The following RFX3 variants were observed in gnomAD, a reference collection of about 807,000 sequenced individuals.
RFX3 encodes regulatory factor X3, also known as transcription factor RFX3.
Under a neutral mutation model 98.6 loss-of-function variants are expected in RFX3, and 14 were observed. That is an observed-to-expected ratio of 0.14 (90% CI 0.09 to 0.22). RFX3 has a LOEUF of 0.22. Ranked by LOEUF, RFX3 falls within the 10% of genes least tolerant of loss-of-function variation. The pLI is 1.00. For missense variants in RFX3, 639 were observed against 926.9 expected (o/e 0.69, Z 4.03); for synonymous variants, 383 against 328.4 (o/e 1.17, Z -1.80).
At chr9:3,357,850 T>C (rs1473651880) in intron 2 of RFX3, among the ~76,000 whole-genome samples, 3 of 152,032 alleles carry the variant, frequency 2.0e-5, no homozygotes, top group African/African-American at 7.2e-5. Context: ...AACACATGTA[T>C]CCCCGAAATA....
intron 1 of RFX3, among the ~76,000 whole-genome samples, chr9:3,522,092 C>T (rs534936902): frequency 1.3e-5 from 2 of 151,086 alleles, no homozygotes; most frequent in African/African-American, 4.9e-5. Flanking sequence ...ATTTTACTAA[C>T]AACAAAAGCA....
In RFX3 at chr9:3,255,853, A is replaced by G. The variant is rs2131093140; in HGVS notation, c.1814+1138T>C. 2.0e-5 allele frequency among the ~76,000 whole-genome samples: 3 copies of G among 152,246 alleles called. No individual in the cohort carries two copies. The East Asian group carries it at 5.8e-4, about 29-fold the overall frequency. On this transcript the variant is annotated intron_variant, in intron 14 of 16. Coordinates refer to ENST00000617270, the MANE Select transcript of RFX3 (RefSeq NM_001282116.2). ...TCTATACTATTTTAGTCAAAAAGTG[A>G]TTTATATTATTAATAAGCTATGTTA...
intron 3 of RFX3, among the ~76,000 whole-genome samples, chr9:3,334,626 C>A (rs895281189): frequency 1.3e-5 from 2 of 151,964 alleles, no homozygotes; most frequent in Non-Finnish European, 2.9e-5. Context: ...CTCCATCGTG[C>A]GACTGTGGAG....
At chr9:3,254,325 T>C (rs988152728) in intron 14 of RFX3, among the ~76,000 whole-genome samples, 7 of 150,550 alleles carry the variant, frequency 4.6e-5, no homozygotes, top group African/African-American at 1.7e-4. Context: ...CTGACACTAA[T>C]AACATAAGAA....
chr9:3,346,883 G>C (rs1834494249), intron 2 of RFX3, 119 bp from the exon 3 acceptor site: 2 of 677,352 alleles, frequency 3.0e-6, no homozygotes. Context: ...AGACTGATAA[G>C]AAAAACTATT....
chr9:3,366,796 A>C (rs1005112452), intron 2 of RFX3, among the ~76,000 whole-genome samples: 1 of 132,720 alleles, frequency 7.5e-6, no homozygotes, highest in Non-Finnish European at 1.6e-5. Flanking sequence ...TGGGTGTTTC[A>C]GTTGGATTGC....
At chr9:3,424,385 G>C (rs1349258170) in intron 1 of RFX3, among the ~76,000 whole-genome samples, 1 of 101,040 alleles carries the variant, frequency 9.9e-6, no homozygotes, top group Non-Finnish European at 1.8e-5. Flanking sequence ...TTTTTGAGAC[G>C]GAGTCTCGCT....
intron 2 of RFX3, among the ~76,000 whole-genome samples, chr9:3,380,413 A>G (rs974935759): frequency 5.9e-5 from 9 of 152,066 alleles, no homozygotes; most frequent in African/African-American, 2.2e-4. Flanking sequence ...CTGTTTACCT[A>G]CCAGTCTCTT....
chr9:3,296,639 G>C (rs762170176), intron 5 of RFX3, among the ~76,000 whole-genome samples: 2 of 151,996 alleles, frequency 1.3e-5, no homozygotes, highest in Non-Finnish European at 2.9e-5. Context: ...TTTGACACTA[G>C]CAAAGCTACG....
At chr9:3,384,933 C>A (rs1323401454) in intron 2 of RFX3, among the ~76,000 whole-genome samples, 2 of 152,136 alleles carry the variant, frequency 1.3e-5, no homozygotes, top group Non-Finnish European at 1.5e-5. Flanking sequence ...TACCTCTATT[C>A]CTCAAATCTT....
At chr9:3,237,335 G>C (rs1819296567) in intron 15 of RFX3, among the ~76,000 whole-genome samples, 1 of 152,142 alleles carries the variant, frequency 6.6e-6, no homozygotes. Flanking sequence ...TGAATCATTT[G>C]ACTCAACATT....
At chr9:3,473,737 G>C (rs1848978773) in intron 1 of RFX3, among the ~76,000 whole-genome samples, 1 of 152,138 alleles carries the variant, frequency 6.6e-6, no homozygotes, top group African/African-American at 2.4e-5. Flanking sequence ...CAACAGGGGA[G>C]TTTTATTGTT....
chr9:3,436,843 A>C (rs1333541015), intron 1 of RFX3, among the ~76,000 whole-genome samples: 1 of 152,042 alleles, frequency 6.6e-6, no homozygotes, highest in Non-Finnish European at 1.5e-5. Context: ...TGTGACAAGC[A>C]AGAAGCCTGA....
intron 1 of RFX3, among the ~76,000 whole-genome samples, chr9:3,494,404 C>A (rs1318828277): frequency 1.3e-5 from 2 of 152,150 alleles, no homozygotes; most frequent in Non-Finnish European, 2.9e-5. Flanking sequence ...CAACATTCCA[C>A]TCTTTCCCTC....
intron 2 of RFX3, among the ~76,000 whole-genome samples, chr9:3,349,328 T>C (rs1012227475): frequency 2.0e-5 from 3 of 152,088 alleles, no homozygotes; most frequent in Non-Finnish European, 2.9e-5. Context: ...CCTTAAGATA[T>C]ATGCCCCTAG....
At chr9:3,406,870 G>A (rs534296423) in intron 1 of RFX3, among the ~76,000 whole-genome samples, 1 of 152,236 alleles carries the variant, frequency 6.6e-6, no homozygotes, top group African/African-American at 2.4e-5. Flanking sequence ...AAGATTTTGT[G>A]TATAGTTTTT....
intron 1 of RFX3, among the ~76,000 whole-genome samples, chr9:3,467,035 T>A (rs189186301): frequency 5.5e-4 from 55 of 100,130 alleles, no homozygotes; most frequent in African/African-American, 2.0e-3. Flanking sequence ...GAATTATATA[T>A]ATATATATAT....
intron 5 of RFX3, among the ~76,000 whole-genome samples, chr9:3,296,766 G>A (rs1160083396): frequency 6.6e-6 from 1 of 152,020 alleles, no homozygotes; most frequent in Admixed American, 6.6e-5. Flanking sequence ...TGAAAGGATG[G>A]AGATGGCTTT....
At chr9:3,284,011 G>A (rs1340400974) in intron 7 of RFX3, among the ~76,000 whole-genome samples, 1 of 151,602 alleles carries the variant, frequency 6.6e-6, no homozygotes. Context: ...AGTTGGACTA[G>A]GTGATTTCTT....
Sources: allele counts gnomAD v4.1 joint callset (sites outside exome capture counted in the v4.1 genomes callset), GRCh38; gene constraint gnomAD v4.1.1; transcripts MANE v1.5; gene names NCBI Gene and HGNC (gene_info 2026-07-23, HGNC 2026-07-21).